ABL1: variants seen among roughly 807,000 people sequenced by gnomAD.
The protein encoded by ABL1 is tyrosine-protein kinase ABL1.
ABL1 carries 11 observed loss-of-function variants against 94.7 expected under a neutral mutation model. The observed-to-expected ratio is 0.12, with a 90% CI of 0.07 to 0.19. The LOEUF (loss-of-function observed/expected upper bound fraction) is 0.19, where lower values mean the gene tolerates loss of function less well. Ranked by LOEUF, ABL1 falls within the 10% of genes least tolerant of loss-of-function variation. The probability of loss-of-function intolerance (pLI) is 1.00; values close to 1 mark genes in which losing one functional copy is unlikely to be tolerated. For synonymous variants in ABL1, 656 were observed against 622.4 expected (o/e 1.05, Z -0.80); for missense variants, 1,082 against 1,489.4 (o/e 0.73, Z 4.50).
At position 130,749,041 on chromosome 9, in the gene ABL1, G is replaced by A. The variant is rs990064784; in HGVS notation, c.136+34586G>A. Among the ~76,000 whole-genome samples the A allele has an allele frequency of 4.6e-5, 7 of 152,064 alleles. 1 individual carries two copies. The highest frequency in any genetic ancestry group is 4.1e-4 in the South Asian group (2 of 4,826). On this transcript the variant is annotated intron_variant, in intron 1 of 10. Coordinates refer to the ABL1 transcript ENST00000372348. Reference sequence around the variant, plus strand: ...TGCTATTAGGCTGTAGTTCATACTGGTTTAGTATTGCTGTTGATCACTTTT... The same window carrying A: ...TGCTATTAGGCTGTAGTTCATACTGATTTAGTATTGCTGTTGATCACTTTT...
chr9:130,785,901 C>T (rs762346084), intron 1 of ABL1, among the ~76,000 whole-genome samples: 28 of 123,338 alleles, frequency 2.3e-4, no homozygotes, highest in South Asian at 1.8e-3. Context: ...CCAGTCTGGG[C>T]GACATTCTGG....
At chr9:130,833,156 C>CT (rs1350818856), upstream of ABL1, among the ~76,000 whole-genome samples, 3 of 152,082 alleles carry the variant, frequency 2.0e-5, no homozygotes, top group Non-Finnish European at 4.4e-5. Flanking sequence ...ATATCTGGGC[C>CT]TATATTAACA....
intron 1 of ABL1, among the ~76,000 whole-genome samples, chr9:130,750,395 C>T (rs1831944796): frequency 9.0e-6 from 1 of 111,112 alleles, no homozygotes; most frequent in Non-Finnish European, 1.9e-5. Context: ...TTCCCTCCTT[C>T]CCTTCCTCCC....
In ABL1 at chr9:130,862,249, A is replaced by G. The variant is rs1167162592; in HGVS notation, c.550-514A>G. ...ATTACATGTTGATTTCCTGTTCTCA[A>G]CATTGGAATGAAGACAGCTTAGGGT... On this transcript the variant is annotated intron_variant, in intron 3 of 10. Coordinates refer to ENST00000318560, the MANE Select transcript of ABL1 (RefSeq NM_005157.6). This position sits in a 1 kb window ranked among gnomAD's most constrained non-coding sequence, Gnocchi z 5.5. Among the ~76,000 whole-genome samples, 4 of 152,208 alleles carry G rather than the reference A, an allele frequency of 2.6e-5. No individual in the cohort carries two copies. The highest frequency in any genetic ancestry group is 1.3e-4 in the Admixed American group (2 of 15,282).
upstream of ABL1, chr9:130,834,884 T>C (rs1490038058): frequency 2.2e-5 from 10 of 455,878 alleles, no homozygotes; most frequent in Non-Finnish European, 3.5e-5. Flanking sequence ...CGTTCTCGGG[T>C]CAGAGGGTTT....
At chr9:130,716,276 T>C (rs1327236569) in intron 1 of ABL1, among the ~76,000 whole-genome samples, 2 of 152,030 alleles carry the variant, frequency 1.3e-5, no homozygotes, top group East Asian at 1.9e-4. Flanking sequence ...TTGTATTTTT[T>C]AGTAGAGACG....
intron 1 of ABL1, 108 bp from the exon 2 acceptor site, chr9:130,853,956 T>G (rs1022786703): frequency 2.6e-5 from 29 of 1,113,538 alleles, no homozygotes; most frequent in Non-Finnish European, 3.6e-5. Flanking sequence ...GAAATAGGAA[T>G]GTGTAATGTT....
chr9:130,732,937 G>A (rs922291710), intron 1 of ABL1, among the ~76,000 whole-genome samples: 5 of 152,148 alleles, frequency 3.3e-5, no homozygotes, highest in Non-Finnish European at 2.9e-5. Flanking sequence ...ATGAAATTGC[G>A]AAATCTTAAA....
chr9:130,854,087 T>G lies in ABL1; in HGVS notation c.103T>G (p.Ser35Ala). 6.2e-7 allele frequency: 1 copy of G among 1,613,998 alleles called. No individual in the cohort carries two copies. The part of the protein sequence containing the change: ...LEEALQRPVA[S>A]DFEPQGLSEA... ...AGAAGCCCTTCAGCGGCCAGTAGCA[T>G]CTGACTTTGAGCCTCAGGGTCTGAG... The change falls in exon 2 of 11, where the codon TCT (serine) becomes GCT (alanine). Residue 35 changes from serine (S) to alanine (A), a missense_variant. By Grantham distance (99) the Ser-to-Ala change is moderately conservative. This residue lies in a region of ABL1 where 65 missense variants were observed against 80.8 expected (regional missense o/e 0.80). Coordinates refer to ENST00000318560, the MANE Select transcript of ABL1 (RefSeq NM_005157.6).
chr9:130,879,029 C>G (rs1588280292), intron 8 of ABL1, among the ~76,000 whole-genome samples: 1 of 152,132 alleles, frequency 6.6e-6, no homozygotes, highest in African/African-American at 2.4e-5. Context: ...AGGCATGCAC[C>G]ACCACGCCCG....
intron 3 of ABL1, among the ~76,000 whole-genome samples, chr9:130,860,993 C>G (rs1247144478): frequency 1.3e-5 from 2 of 152,198 alleles, no homozygotes; most frequent in African/African-American, 2.4e-5. Flanking sequence ...GACTTCCGCT[C>G]CCCGACACAT....
exon 1 of ABL1, among the ~76,000 whole-genome samples, chr9:130,713,226 C>T (rs1831393183): frequency 6.6e-6 from 1 of 151,988 alleles, no homozygotes; most frequent in South Asian, 2.1e-4. Flanking sequence ...GTGGTGTCAG[C>T]GTCCGGGGCC....
Position 130,877,172 on chromosome 9 carries a change from A to G in ABL1, c.1271-1243A>G, listed in dbSNP as rs1344113718. On this transcript the variant is annotated intron_variant, in intron 7 of 10. Transcript: ENST00000318560. ...CGTCTTTGGCCAGTGGGAACTTCAC[A>G]TTAGCTCCTAGTCATTTTGACATTA... Among the ~76,000 whole-genome samples the G allele has an allele frequency of 2.0e-5, 3 of 148,058 alleles. 1 individual carries two copies. Among genetic ancestry groups the G allele is most frequent in the Admixed American group, 2.0e-4 (3 of 14,892 alleles).
Position 130,854,247 on chromosome 9 carries a change from T to C in ABL1, c.253+10T>C, listed in dbSNP as rs1181789224. 6.2e-7 allele frequency: 1 copy of C among 1,611,064 alleles called. No homozygotes were observed. The highest frequency in any genetic ancestry group is 8.5e-7 in the Non-Finnish European group (1 of 1,178,274). On this transcript the variant is annotated intron_variant, in intron 2 of 10. Transcript: ENST00000318560. Reference sequence around the variant, plus strand: ...CTAAGCATAACTAAAGGTAAAAGGGTTGTGGGCAGCTAGTGGTGGTTGCAG... The same window carrying C: ...CTAAGCATAACTAAAGGTAAAAGGGCTGTGGGCAGCTAGTGGTGGTTGCAG...
chr9:130,857,686 A>T (rs1453784387), intron 3 of ABL1, among the ~76,000 whole-genome samples: 2 of 151,114 alleles, frequency 1.3e-5, no homozygotes, highest in Non-Finnish European at 2.9e-5. Flanking sequence ...ATGAACATAC[A>T]TATACTTCCT....
chr9:130,805,671 G>T (rs1830116203), intron 1 of ABL1, among the ~76,000 whole-genome samples: 1 of 152,184 alleles, frequency 6.6e-6, no homozygotes, highest in African/African-American at 2.4e-5. Context: ...AGACTTAGAT[G>T]CAGGGAAACT....
At chr9:130,778,885 C>T (rs1829713549) in intron 1 of ABL1, among the ~76,000 whole-genome samples, 1 of 151,876 alleles carries the variant, frequency 6.6e-6, no homozygotes, top group Non-Finnish European at 1.5e-5. Flanking sequence ...AAAACACAGC[C>T]CATTCAACCA....
chr9:130,752,797 A>G (rs1831982662), intron 1 of ABL1, among the ~76,000 whole-genome samples: 2 of 151,952 alleles, frequency 1.3e-5, no homozygotes, highest in Admixed American at 1.3e-4. Context: ...CGTCCCTACT[A>G]AAAATACAAA....
chr9:130,834,150 T>A (rs141284837), upstream of ABL1: 10 of 451,254 alleles, frequency 2.2e-5, no homozygotes, highest in East Asian at 7.0e-4. Flanking sequence ...GATAATCTGT[T>A]TCCTCACAGA....
Sources: allele counts gnomAD v4.1 joint callset (sites outside exome capture counted in the v4.1 genomes callset), GRCh38; gene constraint gnomAD v4.1.1; regional missense constraint gnomAD v4.1.1; non-coding constraint Gnocchi (gnomAD v3.1); transcripts MANE v1.5; gene names NCBI Gene and HGNC (gene_info 2026-07-23, HGNC 2026-07-21).